Variants in MYOF observed in about 807,000 individuals in gnomAD.
MYOF encodes myoferlin.
MYOF carries 244 observed loss-of-function variants against 284.2 expected under a neutral mutation model. The ratio of observed to expected loss-of-function variants is 0.86; its 90% CI spans 0.77 to 0.95. The LOEUF (loss-of-function observed/expected upper bound fraction) is 0.95, where lower values mean the gene tolerates loss of function less well. MYOF is among the 40% of genes least tolerant of loss of function. The pLI is 0.00. For synonymous variants in MYOF, 904 were observed against 919.7 expected (o/e 0.98, Z 0.31); for missense variants, 2,496 against 2,560.6 (o/e 0.97, Z 0.54).
intron 46 of MYOF, among the ~76,000 whole-genome samples, chr10:93,324,720 CGT>C (rs1589387807): frequency 6.6e-6 from 1 of 152,274 alleles, no homozygotes; most frequent in East Asian, 1.9e-4. Flanking sequence ...TTGCAATCAG[CGT>C]GTCCATAGTT....
At chr10:93,390,172 T>C (rs1481396410) in intron 17 of MYOF, among the ~76,000 whole-genome samples, 1 of 152,212 alleles carries the variant, frequency 6.6e-6, no homozygotes, top group East Asian at 1.9e-4. Context: ...GGGAGAAAGA[T>C]AAATGTGGAG....
At chr10:93,398,215 C>T (rs934459250) in intron 13 of MYOF, among the ~76,000 whole-genome samples, 1 of 152,108 alleles carries the variant, frequency 6.6e-6, no homozygotes, top group Non-Finnish European at 1.5e-5. Flanking sequence ...CATTTTCTTC[C>T]TTGGGGCCCT....
intron 15 of MYOF, among the ~76,000 whole-genome samples, chr10:93,396,494 C>T (rs1847017481): frequency 6.6e-6 from 1 of 152,152 alleles, no homozygotes; most frequent in Non-Finnish European, 1.5e-5. Flanking sequence ...CCAATTGATT[C>T]TGATACAGAT....
At chr10:93,349,730 T>C in intron 36 of MYOF, 78 bp downstream of exon 36, 1 of 1,496,388 alleles carries the variant, frequency 6.7e-7, no homozygotes, top group Non-Finnish European at 9.1e-7. Flanking sequence ...ATAAACTCTG[T>C]GTTTGTGTGT....
At chr10:93,356,573 C>G (rs1259878101) in intron 30 of MYOF, 102 bp downstream of exon 30, 5 of 1,277,608 alleles carry the variant, frequency 3.9e-6, no homozygotes, top group Non-Finnish European at 5.4e-6. Context: ...TCTTATAGTA[C>G]CAGGGTTACA....
At chr10:93,453,988 G>A (rs1047998259) in intron 2 of MYOF, among the ~76,000 whole-genome samples, 4 of 152,106 alleles carry the variant, frequency 2.6e-5, no homozygotes, top group African/African-American at 9.7e-5. Flanking sequence ...TTCGAGACCA[G>A]CCTGACCAAC....
rs530747806 is a variant in MYOF, at chr10:93,475,546, T to A, written c.88+6561A>T. ...AAACGTAAAGGGCAATTGGATGACT[T>A]CCCAGGGTCTCTTTCAGGACTAAGC... On this transcript the variant is annotated intron_variant, in intron 1 of 53. Transcript: ENST00000359263. Among the ~76,000 whole-genome samples the A allele has an allele frequency of 7.2e-5, 11 of 152,334 alleles. No individual in the cohort carries two copies. The East Asian group carries it at 2.1e-3, about 29-fold the overall frequency.
rs1467907283 is a variant in MYOF, at chr10:93,316,731, G to T, written c.5681C>A (p.Ser1894Tyr). Residue 1894 changes from serine (S) to tyrosine (Y), a missense_variant, in exon 50 of 54, where the codon TCT becomes TAT. Coordinates refer to ENST00000359263, the MANE Select transcript of MYOF (RefSeq NM_013451.4). ...IIQIWDNDKF[S>Y]LDDYLGFLEL... ...AGCCCTACCCAAGTAGTCATCCAGA[G>T]AAAACTTGTCATTGTCCCATATCTG... 5.0e-6 allele frequency: 8 copies of T among 1,613,432 alleles called. No homozygotes were observed. Among genetic ancestry groups the T allele is most frequent in the African/African-American group, 1.3e-5 (1 of 74,888 alleles).
At chr10:93,394,446 G>GTTTTTTTTTTTTTT (rs1411982961) in intron 16 of MYOF, among the ~76,000 whole-genome samples, 2 of 33,482 alleles carry the variant, frequency 6.0e-5, no homozygotes, top group Non-Finnish European at 1.3e-4. Context: ...TCACCATCTT[G>GTTTTTTTTTTTTTT]TCTTTTTTTT....
Position 93,399,378 on chromosome 10 carries a change from G to C in MYOF, c.1221+14C>G, listed in dbSNP as rs768858728. On this transcript the variant is annotated intron_variant, in intron 13 of 53. Transcript: ENST00000359263. The stretch of plus-strand genomic sequence containing the variant: ...TTATTACTAGCAGCATCTGCATTTA[G>C]ATCATGTACAAACCTTTTTTCCAGC... The C allele has an allele frequency of 2.5e-6, 4 of 1,572,564 alleles. No individual in the cohort carries two copies. The Admixed American group carries it at 6.7e-5, about 26-fold the overall frequency.
chr10:93,398,824 A>C (rs1041983673), intron 13 of MYOF, among the ~76,000 whole-genome samples: 4 of 152,166 alleles, frequency 2.6e-5, no homozygotes, highest in Non-Finnish European at 5.9e-5. Flanking sequence ...CTATTATTCT[A>C]CTGTAGAATC....
Position 93,306,940 on chromosome 10 carries a change from T to C in MYOF, c.*23A>G. 6.2e-7 allele frequency: 1 copy of C among 1,610,448 alleles called. No homozygotes were observed. Reference sequence around the variant, plus strand: ...GGATTCTCTCATTGCTGGATGACTCTTGAAATGAAGCCTTTGCCTTTGTTA... The same window carrying C: ...GGATTCTCTCATTGCTGGATGACTCCTGAAATGAAGCCTTTGCCTTTGTTA... On this transcript the variant is annotated 3_prime_UTR_variant, in exon 54 of 54. Transcript: ENST00000359263.
intron 3 of MYOF, among the ~76,000 whole-genome samples, chr10:93,446,799 C>T (rs2056443073): frequency 6.6e-6 from 1 of 151,890 alleles, no homozygotes; most frequent in South Asian, 2.1e-4. Flanking sequence ...CAGTTCACTG[C>T]AACCTCTGCC....
chr10:93,378,693 G>GTGTGTGTATATATATAGATATATA, intron 21 of MYOF, among the ~76,000 whole-genome samples: 1 of 87,894 alleles, frequency 1.1e-5, no homozygotes, highest in Admixed American at 1.3e-4. Flanking sequence ...GTGTGTGTGT[G>GTGTGTGTATATATATAGATATATA]TATATATATA....
chr10:93,445,113 A>T (rs568954390), intron 3 of MYOF, among the ~76,000 whole-genome samples: 26 of 152,356 alleles, frequency 1.7e-4, no homozygotes, highest in Admixed American at 2.6e-4. Context: ...AAAATTAGGA[A>T]GAAAAATCAC....
intron 16 of MYOF, among the ~76,000 whole-genome samples, chr10:93,394,495 C>T (rs1343451508): frequency 2.2e-5 from 2 of 90,710 alleles, no homozygotes; most frequent in African/African-American, 3.7e-5. Flanking sequence ...GAGTCTTGCT[C>T]TGTCGCCCAG....
intron 1 of MYOF, among the ~76,000 whole-genome samples, chr10:93,471,857 C>A (rs1030868869): frequency 6.6e-6 from 1 of 151,126 alleles, no homozygotes; most frequent in Non-Finnish European, 1.5e-5. Flanking sequence ...CCATTGCACT[C>A]CAGCCTGGGT....
chr10:93,451,415 G>C (rs916811012), intron 3 of MYOF, among the ~76,000 whole-genome samples: 4 of 152,138 alleles, frequency 2.6e-5, no homozygotes, highest in African/African-American at 9.7e-5. Flanking sequence ...CCAAAGTCCA[G>C]ATCCAGGACT....
At chr10:93,388,418 G>A (rs1846505908) in intron 18 of MYOF, among the ~76,000 whole-genome samples, 1 of 152,244 alleles carries the variant, frequency 6.6e-6, no homozygotes, top group Non-Finnish European at 1.5e-5. Context: ...AGTTCTGGGT[G>A]CAGCTGAGCC....
Sources: allele counts gnomAD v4.1 joint callset (sites outside exome capture counted in the v4.1 genomes callset), GRCh38; gene constraint gnomAD v4.1.1; transcripts MANE v1.5; gene names NCBI Gene and HGNC (gene_info 2026-07-23, HGNC 2026-07-21).